The following TCERG1 variants were observed in gnomAD, a reference collection of about 807,000 sequenced individuals.
TCERG1 encodes TATA box binding protein (TBP)-associated factor, RNA polymerase II, S, 150kD.
TCERG1 carries 37 observed loss-of-function variants against 144.7 expected under a neutral mutation model. The observed-to-expected ratio is 0.26, with a 90% CI of 0.20 to 0.34. TCERG1 has a LOEUF of 0.34. Ranked by LOEUF, TCERG1 falls within the 10% of genes least tolerant of loss-of-function variation. TCERG1 has a pLI of 1.00. For missense variants in TCERG1, 1,027 were observed against 1,380.7 expected, an observed-to-expected ratio of 0.74 and a Z score of 4.06; for synonymous variants, 492 against 458.2, an observed-to-expected ratio of 1.07 and a Z score of -0.94.
Position 146,447,366 on chromosome 5 carries a change from G to A in TCERG1, c.17G>A (p.Gly6Glu), listed in dbSNP as rs1263246276. The part of the protein sequence containing the change: MAERG[G>E]DGGESERFNP... ...CCCTCTGTAATGGCGGAGCGTGGCG[G>A]GGACGGGGGCGAGAGTGAACGATTC... is the stretch of plus-strand genomic sequence containing the variant. The change falls in exon 1 of 23, where the codon GGG becomes GAG. Residue 6 changes from glycine (G) to glutamate (E), a missense_variant. Gly to Glu is a moderately conservative substitution (Grantham distance 98, BLOSUM62 -2). Transcript: ENST00000679501. The A allele has an allele frequency of 2.7e-5, 43 of 1,611,600 alleles. No individual in the cohort carries two copies. Among genetic ancestry groups the A allele is most frequent in the Non-Finnish European group, 3.5e-5 (41 of 1,179,116 alleles).
At chr5:146,460,117 G>A (rs1284656400) in intron 4 of TCERG1, among the ~76,000 whole-genome samples, 2 of 152,222 alleles carry the variant, frequency 1.3e-5, no homozygotes, top group Non-Finnish European at 2.9e-5. Flanking sequence ...ATGCGAGTAG[G>A]TGAATTGAGG....
chr5:146,507,800 C>A lies in TCERG1; in HGVS notation c.2962-73C>A. 2 of 975,044 alleles carry A rather than the reference C, an allele frequency of 2.1e-6. No individual in the cohort carries two copies. 60.4% of individuals were successfully genotyped at this position (975,044 alleles called of 1,614,324 possible). On this transcript the variant is annotated intron_variant, in intron 20 of 22. Transcript: ENST00000679501. The surrounding 1 kb of genome is among the most constrained non-coding windows in gnomAD (Gnocchi z 4.6). The stretch of plus-strand genomic sequence containing the variant: ...GCAGGTCAGTGTGTAATATTATGTA[C>A]CTATGTGCTGCAGTTTGACTCCCTA...
intron 10 of TCERG1, among the ~76,000 whole-genome samples, chr5:146,479,512 T>C (rs570259339): frequency 2.0e-5 from 3 of 152,278 alleles, no homozygotes; most frequent in African/African-American, 7.2e-5. Flanking sequence ...CAATATGTGA[T>C]TTTCTTTTGT....
intron 1 of TCERG1, 139 bp downstream of exon 1, chr5:146,447,547 G>A: frequency 1.8e-6 from 2 of 1,100,742 alleles, no homozygotes; most frequent in Non-Finnish European, 2.6e-6. Context: ...TGGGGTTTAA[G>A]AAGGGGGAAG....
At chr5:146,510,270 CTT>C (rs1350367131) in intron 22 of TCERG1, 169 bp from the exon 23 acceptor site, 2 of 670,376 alleles carry the variant, frequency 3.0e-6, no homozygotes, top group East Asian at 3.0e-5. Context: ...TCCTTGGAGT[CTT>C]TGCTGAGGCG....
intron 16 of TCERG1, among the ~76,000 whole-genome samples, chr5:146,496,178 T>G (rs1285975734): frequency 6.6e-6 from 1 of 152,204 alleles, no homozygotes; most frequent in East Asian, 1.9e-4. Flanking sequence ...TGCCTTTTAT[T>G]TATGGAGAAA....
intron 9 of TCERG1, among the ~76,000 whole-genome samples, chr5:146,473,535 A>G (rs535333436): frequency 1.3e-5 from 2 of 152,194 alleles, no homozygotes; most frequent in Non-Finnish European, 2.9e-5. Context: ...CTATTGGGAG[A>G]ACATGCCATC....
At chr5:146,453,489 A>G (rs1278549398) in intron 1 of TCERG1, among the ~76,000 whole-genome samples, 1 of 152,202 alleles carries the variant, frequency 6.6e-6, no homozygotes. Flanking sequence ...TAGAGATATT[A>G]TTTTACTTAA....
In TCERG1 at chr5:146,492,928, T is replaced by C; in HGVS notation, c.2172T>C (p.Asp724=). 6.2e-7 allele frequency: 1 copy of C among 1,604,168 alleles called. No individual in the cohort carries two copies. Among genetic ancestry groups the C allele is most frequent in the Non-Finnish European group, 8.5e-7 (1 of 1,175,436 alleles). The change falls in exon 16 of 23, where the codon GAT becomes GAC. Residue 724 remains aspartate (D), a synonymous_variant. Coordinates refer to ENST00000679501, the MANE Select transcript of TCERG1 (RefSeq NM_001382548.1). ...LNPKERKQVF[D]QYVKTRAEEE... ...GTTGATTTTTATAATAGGTGTTTGA[T>C]CAGTATGTAAAGACCAGGGCAGAGG...
intron 17 of TCERG1, chr5:146,499,577 AG>A (rs1767247415): frequency 6.6e-6 from 1 of 152,258 alleles, no homozygotes; most frequent in South Asian, 2.1e-4. Flanking sequence ...TATGCTTCTC[AG>A]AGGAAATGTG....
At chr5:146,464,673 A>G (rs565614093) in intron 5 of TCERG1, among the ~76,000 whole-genome samples, 2 of 152,318 alleles carry the variant, frequency 1.3e-5, no homozygotes, top group South Asian at 2.1e-4. Flanking sequence ...AGTTGAAAGT[A>G]TTGGTACCTT....
chr5:146,477,947 C>T (rs1268971175), intron 9 of TCERG1, among the ~76,000 whole-genome samples: 1 of 152,078 alleles, frequency 6.6e-6, no homozygotes, highest in African/African-American at 2.4e-5. Flanking sequence ...AAGTGATCCT[C>T]CTGCTTTGGC....
In TCERG1 at chr5:146,458,878, C is replaced by T. The variant is rs1763066246; in HGVS notation, c.439-6C>T. ...ATGATACCATTGATTTTTGCTTCCG[C>T]TGCAGGTTTATTATTATAATGCTCG... On this transcript the variant is annotated splice_region_variant and splice_polypyrimidine_tract_variant and intron_variant, in intron 3 of 22. Coordinates refer to ENST00000679501, the MANE Select transcript of TCERG1 (RefSeq NM_001382548.1). The T allele has an allele frequency of 6.3e-7, 1 of 1,588,188 alleles. No individual in the cohort carries two copies. Among genetic ancestry groups the T allele is most frequent in the African/African-American group, 1.4e-5 (1 of 73,932 alleles).
At chr5:146,501,667 A>G (rs979457705) in intron 17 of TCERG1, among the ~76,000 whole-genome samples, 2 of 152,194 alleles carry the variant, frequency 1.3e-5, no homozygotes, top group Non-Finnish European at 2.9e-5. Flanking sequence ...GACAAGATGA[A>G]CAGAAAAATT....
intron 22 of TCERG1, 88 bp downstream of exon 22, chr5:146,509,333 C>T: frequency 1.2e-6 from 1 of 846,714 alleles, no homozygotes; most frequent in Non-Finnish European, 1.9e-6. Context: ...CATTCACACA[C>T]ATGTTGACAT....
intron 19 of TCERG1, among the ~76,000 whole-genome samples, chr5:146,506,600 C>G (rs776613991): frequency 3.3e-5 from 5 of 152,168 alleles, no homozygotes; most frequent in Non-Finnish European, 7.4e-5. Context: ...GGTCTCAAAA[C>G]TTATTTCTGC....
At position 146,454,009 on chromosome 5, in the gene TCERG1, A is replaced by G. The variant is rs909011160; in HGVS notation, c.60-1047A>G. Among the ~76,000 whole-genome samples the G allele has an allele frequency of 8.0e-5, 12 of 149,534 alleles. No individual in the cohort carries two copies. In the East Asian group the frequency reaches 8.2e-4, roughly 10 times the overall value. On this transcript the variant is annotated intron_variant, in intron 1 of 22. Coordinates refer to ENST00000679501, the MANE Select transcript of TCERG1 (RefSeq NM_001382548.1). Reference sequence around the variant, plus strand: ...TCAGGAGATCAAGACCATTGCCAACATGGTGAAACCCCATCTCTACTCAAA... The same window carrying G: ...TCAGGAGATCAAGACCATTGCCAACGTGGTGAAACCCCATCTCTACTCAAA...
At chr5:146,488,789 C>T (rs1204160177) in intron 15 of TCERG1, among the ~76,000 whole-genome samples, 2 of 152,186 alleles carry the variant, frequency 1.3e-5, no homozygotes, top group Admixed American at 6.5e-5. Context: ...TTTACTGTAG[C>T]ACTGTTCACA....
intron 16 of TCERG1, among the ~76,000 whole-genome samples, chr5:146,497,912 A>T (rs540077448): frequency 1.3e-4 from 20 of 152,244 alleles, no homozygotes; most frequent in African/African-American, 3.6e-4. Flanking sequence ...ACTTGGCCTT[A>T]GCTGTGGACT....
Sources: gnomAD v4.1 joint callset for allele counts (sites outside exome capture counted in the v4.1 genomes callset) on GRCh38, gnomAD v4.1.1 for gene constraint, Gnocchi (gnomAD v3.1) non-coding constraint, MANE v1.5 for transcripts, NCBI Gene and HGNC (gene_info 2026-07-23, HGNC 2026-07-21) for gene names.